The following WIPF1 variants were observed in gnomAD, a reference collection of about 807,000 sequenced individuals.
The protein encoded by WIPF1 is WAS/WASL interacting protein family member 1.
A neutral mutation model predicts 35.4 loss-of-function variants in WIPF1; 13 were observed. The ratio of observed to expected loss-of-function variants is 0.37; its 90% CI spans 0.24 to 0.58. WIPF1 has a LOEUF of 0.58. Among genes scored for constraint, WIPF1 ranks in the 20% least tolerant of loss-of-function variants. The probability of loss-of-function intolerance (pLI) is 0.74; values close to 1 mark genes in which losing one functional copy is unlikely to be tolerated. For synonymous variants in WIPF1, 267 were observed against 266.3 expected (o/e 1.00, Z -0.02); for missense variants, 591 against 667.0 (o/e 0.89, Z 1.25).
At position 174,575,319 on chromosome 2, in the gene WIPF1, G is replaced by A. The variant is rs146533814; in HGVS notation, c.243C>T (p.Gly81=). The A allele has an allele frequency of 3.4e-4, 544 of 1,613,232 alleles. No individual in the cohort carries two copies. Among genetic ancestry groups the A allele is most frequent in the Non-Finnish European group, 4.5e-4 (526 of 1,179,678 alleles). Residue 81 remains glycine, a synonymous_variant, in exon 4 of 8, where the codon GGC becomes GGT. Transcript: ENST00000679041. ...CACCGCCTCCGCCACCACCTCCTCC[G>A]CCAAATCCGCCGCCTCCACCAAAGC... ...GGGFGGGGGF[G]GGGGGGGGGS... is the part of the protein sequence containing the mutation.
chr2:174,663,675 G>A (rs921300935), intron 1 of WIPF1, among the ~76,000 whole-genome samples: 1 of 152,264 alleles, frequency 6.6e-6, no homozygotes, highest in Non-Finnish European at 1.5e-5. Flanking sequence ...GAAAGTCACT[G>A]TGGGAGGAAA....
At chr2:174,678,497 C>A (rs1688181035) in intron 1 of WIPF1, among the ~76,000 whole-genome samples, 1 of 152,204 alleles carries the variant, frequency 6.6e-6, no homozygotes, top group Admixed American at 6.5e-5. Context: ...AGTTTCTGAT[C>A]CCTGGCCACG....
intron 1 of WIPF1, among the ~76,000 whole-genome samples, chr2:174,591,081 T>G (rs564603076): frequency 6.6e-6 from 1 of 152,312 alleles, no homozygotes; most frequent in African/African-American, 2.4e-5. Context: ...ATTTGACTGG[T>G]GTCCTCATAC....
intron 1 of WIPF1, among the ~76,000 whole-genome samples, chr2:174,589,677 G>A (rs1271990996): frequency 3.9e-5 from 6 of 152,182 alleles, no homozygotes; most frequent in Non-Finnish European, 7.4e-5. Flanking sequence ...CTGAAATGTA[G>A]CATTTCCTTT....
chr2:174,614,572 G>A (rs1333498714), intron 1 of WIPF1, among the ~76,000 whole-genome samples: 1 of 152,142 alleles, frequency 6.6e-6, no homozygotes, highest in Non-Finnish European at 1.5e-5. Flanking sequence ...ACAAGCTGAT[G>A]GCATTCTGAC....
At position 174,660,113 on chromosome 2, in the gene WIPF1, T is replaced by C. The variant is rs376667268; in HGVS notation, c.-39+22661A>G. Among the ~76,000 whole-genome samples the C allele has an allele frequency of 3.9e-5, 6 of 152,328 alleles. No homozygotes were observed. In the East Asian group the frequency reaches 7.7e-4, roughly 20 times the overall value. The stretch of plus-strand genomic sequence containing the variant: ...TTGGAACCAGGAGAGATGTGATAAC[T>C]GTCTTCAAATATTTACAGGTCTGTC... On this transcript the variant is annotated intron_variant, in intron 1 of 8. Coordinates refer to the WIPF1 transcript ENST00000272746.
At chr2:174,656,828 T>G (rs994216027) in intron 1 of WIPF1, among the ~76,000 whole-genome samples, 19 of 152,206 alleles carry the variant, frequency 1.2e-4, no homozygotes, top group Admixed American at 2.6e-4. Context: ...AAATGTTCAG[T>G]TCAGTGTGAA....
intron 2 of WIPF1, 53 bp downstream of exon 2, chr2:174,585,470 G>T: frequency 6.4e-7 from 1 of 1,553,600 alleles, no homozygotes; most frequent in Non-Finnish European, 8.9e-7. Context: ...CCAGGTTTTG[G>T]CTTCATTTGG....
In WIPF1 at chr2:174,623,172, AGTGT is replaced by A. The variant is rs528898924; in HGVS notation, c.-38-37565_-38-37562del. 8.8e-4 allele frequency among the ~76,000 whole-genome samples: 134 copies of A among 152,370 alleles called. 1 individual carries two copies. Among genetic ancestry groups the A allele is most frequent in the African/African-American group, 3.1e-3 (130 of 41,590 alleles). ...AATATTAAAAGATATCTGAAATTGT[AGTGT>A]GTATTAGTTAGTCTATTGTTGTGTA... On this transcript the variant is annotated intron_variant, in intron 1 of 8. Coordinates refer to the WIPF1 transcript ENST00000272746.
chr2:174,641,770 CA>C (rs1303957416), intron 1 of WIPF1, among the ~76,000 whole-genome samples: 3 of 152,204 alleles, frequency 2.0e-5, no homozygotes, highest in African/African-American at 7.2e-5. Flanking sequence ...TGACTTTTTT[CA>C]GCAACCATTT....
intron 3 of WIPF1, among the ~76,000 whole-genome samples, chr2:174,577,278 C>T (rs1685090412): frequency 6.6e-6 from 1 of 152,084 alleles, no homozygotes; most frequent in African/African-American, 2.4e-5. Flanking sequence ...ACATGGTCTT[C>T]AAATAATGAC....
intron 3 of WIPF1, among the ~76,000 whole-genome samples, chr2:174,578,315 G>A (rs2105823613): frequency 6.6e-6 from 1 of 152,270 alleles, no homozygotes; most frequent in East Asian, 1.9e-4. Flanking sequence ...TTAGGATCAT[G>A]CCAATTTCAT....
upstream of WIPF1, among the ~76,000 whole-genome samples, chr2:174,600,334 T>A (rs754047932): frequency 1.3e-5 from 2 of 152,174 alleles, no homozygotes; most frequent in African/African-American, 2.4e-5. Flanking sequence ...TGTTAGGACA[T>A]AAATTAGATA....
In WIPF1 at chr2:174,619,123, C is replaced by CT. The variant is rs1181968493; in HGVS notation, c.-38-33513dup. 5.9e-5 allele frequency among the ~76,000 whole-genome samples: 9 copies of CT among 151,922 alleles called. No homozygotes were observed. The East Asian group carries it at 1.7e-3, about 29-fold the overall frequency. On this transcript the variant is annotated intron_variant, in intron 1 of 8. Transcript: ENST00000272746. ...CGCATGCCACCATGCCCAGCTGTTT[C>CT]TTTTTTTTAGATACGGGGTCACACT...
chr2:174,650,600 T>C (rs1006091489), intron 1 of WIPF1, among the ~76,000 whole-genome samples: 2 of 152,246 alleles, frequency 1.3e-5, no homozygotes, highest in African/African-American at 4.8e-5. Context: ...TCCATGATGA[T>C]TGACTCTCTT....
chr2:174,571,535 C>T lies in WIPF1; in HGVS notation c.1129+141G>A. The stretch of plus-strand genomic sequence containing the variant: ...GGGTTTACACGAGGTCACGATCACA[C>T]GTGTCGTGTGCCACTTAAAAGCACA... On this transcript the variant is annotated intron_variant, in intron 5 of 7. Transcript: ENST00000679041. This position sits in a 1 kb window ranked among gnomAD's most constrained non-coding sequence, Gnocchi z 4.6. The T allele has an allele frequency of 1.7e-6, 2 of 1,162,748 alleles. No individual in the cohort carries two copies. The highest frequency in any genetic ancestry group is 1.7e-5 in the Admixed American group (1 of 58,426). 72.0% of individuals were successfully genotyped at this position (1,162,748 alleles called of 1,614,324 possible). A position where few individuals can be genotyped will look rare whatever the true frequency, so the allele number is the denominator to read the frequency against.
intron 1 of WIPF1, among the ~76,000 whole-genome samples, chr2:174,611,447 G>A (rs1474250157): frequency 6.6e-6 from 1 of 152,186 alleles, no homozygotes; most frequent in Non-Finnish European, 1.5e-5. Flanking sequence ...AGTTCATAAT[G>A]TCACTAAACT....
intron 7 of WIPF1, among the ~76,000 whole-genome samples, chr2:174,565,726 C>T (rs1036178914): frequency 2.6e-5 from 4 of 152,112 alleles, no homozygotes; most frequent in Non-Finnish European, 2.9e-5. Context: ...GTGGGGCCAT[C>T]GCTAGGGGTG....
chr2:174,656,915 A>C (rs1006081653), intron 1 of WIPF1, among the ~76,000 whole-genome samples: 1 of 152,232 alleles, frequency 6.6e-6, no homozygotes, highest in Non-Finnish European at 1.5e-5. Context: ...GTAAAAACAA[A>C]ATAGACAGCT....
Sources: allele counts gnomAD v4.1 joint callset (sites outside exome capture counted in the v4.1 genomes callset), GRCh38; gene constraint gnomAD v4.1.1; non-coding constraint Gnocchi (gnomAD v3.1); transcripts MANE v1.5; gene names NCBI Gene and HGNC (gene_info 2026-07-23, HGNC 2026-07-21).